TMA16: variants seen among roughly 807,000 people sequenced by gnomAD.
TMA16 encodes translation machinery-associated protein 16.
A neutral mutation model predicts 27.1 loss-of-function variants in TMA16; 26 were observed. That is an observed-to-expected ratio of 0.96 (90% CI 0.70 to 1.33). TMA16 has a LOEUF of 1.33. Ranked by LOEUF, TMA16 falls within the 40% of genes most tolerant of loss-of-function variation. The probability of loss-of-function intolerance (pLI) is 0.00; values close to 1 mark genes in which losing one functional copy is unlikely to be tolerated. For missense variants in TMA16, 233 were observed against 241.4 expected, an observed-to-expected ratio of 0.97 and a Z score of 0.23; for synonymous variants, 71 against 81.9, an observed-to-expected ratio of 0.87 and a Z score of 0.72.
At chr4:163,504,503 G>A (rs1204568805) in intron 1 of TMA16, among the ~76,000 whole-genome samples, 1 of 152,022 alleles carries the variant, frequency 6.6e-6, no homozygotes, top group Admixed American at 6.6e-5. Context: ...TCTTTTTGTT[G>A]TTGTTTTGTT....
intron 1 of TMA16, 49 bp from the exon 2 acceptor site, chr4:163,506,984 G>A: frequency 7.1e-7 from 1 of 1,407,364 alleles, no homozygotes; most frequent in Non-Finnish European, 9.6e-7. Context: ...TGGGACTGAA[G>A]GCACTTACAT....
chr4:163,497,963 G>A (rs917003253), intron 1 of TMA16, among the ~76,000 whole-genome samples: 3 of 152,134 alleles, frequency 2.0e-5, no homozygotes, highest in Non-Finnish European at 4.4e-5. Flanking sequence ...TTATATGTAT[G>A]TACCAGCATA....
chr4:163,496,266 T>G (rs1737551533), intron 1 of TMA16, among the ~76,000 whole-genome samples: 1 of 152,328 alleles, frequency 6.6e-6, no homozygotes, highest in African/African-American at 2.4e-5. Context: ...TTACTTAACC[T>G]CCCATCTGTT....
intron 5 of TMA16, among the ~76,000 whole-genome samples, chr4:163,516,818 A>G (rs61701418): frequency 0.11 from 16,810 of 152,018 alleles, 1,004 homozygotes; most frequent in African/African-American, 0.13. Context: ...TAATTCTTGC[A>G]TTCCTGAGAT....
Position 163,495,101 on chromosome 4 carries a change from C to A in TMA16, c.3+297C>A, listed in dbSNP as rs114303882. On this transcript the variant is annotated intron_variant, in intron 1 of 6. Coordinates refer to ENST00000358572, the MANE Select transcript of TMA16 (RefSeq NM_018352.3). ...CTACTTCCTGGGGGAAACCCGGCAC[C>A]TTTCCATTGTAACGCATCGAGGAGT... is the stretch of plus-strand genomic sequence containing the variant. Among the ~76,000 whole-genome samples, 777 of 152,286 alleles carry A rather than the reference C, an allele frequency of 5.1e-3. 2 individuals carry two copies. The highest frequency in any genetic ancestry group is 0.011 in the South Asian group (51 of 4,824).
At chr4:163,512,676 C>G (rs1369298796) in intron 2 of TMA16, 146 bp from the exon 3 acceptor site, 3 of 545,578 alleles carry the variant, frequency 5.5e-6, no homozygotes, top group Admixed American at 6.5e-5. Flanking sequence ...TTTAATGTTT[C>G]TGTTAACAAA....
At chr4:163,509,206 A>G (rs904943076) in intron 2 of TMA16, among the ~76,000 whole-genome samples, 10 of 152,150 alleles carry the variant, frequency 6.6e-5, no homozygotes, top group African/African-American at 2.4e-4. Flanking sequence ...TTAACTTTAA[A>G]TGGGAATGTG....
At chr4:163,495,875 T>A (rs1208475411) in intron 1 of TMA16, among the ~76,000 whole-genome samples, 2 of 152,252 alleles carry the variant, frequency 1.3e-5, no homozygotes, top group Admixed American at 1.3e-4. Flanking sequence ...ATTCAGTGTT[T>A]GCTTGTCACT....
rs1019014328 is a variant in TMA16, at chr4:163,494,729, T to C, written c.-73T>C. ...ATTCGGCCCGGGTGCTCTTGTGAGCTGCTGCTCCTGCGGTTGGTGAGATTA... is the reference window on the plus strand; with the variant it reads ...ATTCGGCCCGGGTGCTCTTGTGAGCCGCTGCTCCTGCGGTTGGTGAGATTA... On this transcript the variant is annotated 5_prime_UTR_variant, in exon 1 of 7. Coordinates refer to ENST00000358572, the MANE Select transcript of TMA16 (RefSeq NM_018352.3). 6.2e-6 allele frequency: 10 copies of C among 1,609,434 alleles called. No homozygotes were observed. The African/African-American group carries it at 1.1e-4, about 17-fold the overall frequency.
intron 3 of TMA16, among the ~76,000 whole-genome samples, chr4:163,513,595 TGGACA>T (rs1737829218): frequency 6.6e-6 from 1 of 152,168 alleles, no homozygotes. Context: ...TTTGGGGCCC[TGGACA>T]GGTCATTTAA....
At chr4:163,515,133 G>T (rs1737855143) in intron 4 of TMA16, among the ~76,000 whole-genome samples, 180 bp from the exon 5 acceptor site, 1 of 152,126 alleles carries the variant, frequency 6.6e-6, no homozygotes, top group African/African-American at 2.4e-5. Context: ...GGTCACTGAA[G>T]TTAAAGAAAT....
Position 163,520,019 on chromosome 4 carries a change from C to A in TMA16, c.*505C>A. The A allele has an allele frequency of 1.6e-6, 1 of 608,352 alleles. No homozygotes were observed. The highest frequency in any genetic ancestry group is 3.0e-5 in the East Asian group (1 of 32,982). The allele number at this position is 608,352 out of a possible 1,614,324, so 37.7% of individuals were successfully genotyped here. A position where few individuals can be genotyped will look rare whatever the true frequency, so the allele number is the denominator to read the frequency against. On this transcript the variant is annotated 3_prime_UTR_variant, in exon 7 of 7. Coordinates refer to ENST00000358572, the MANE Select transcript of TMA16 (RefSeq NM_018352.3). ...TGTGATAAGAAGTTTGTATACATTT[C>A]TGGATTATAGATTATTATTTATCTT...
At chr4:163,514,256 C>A in intron 4 of TMA16, 98 bp downstream of exon 4, 1 of 919,106 alleles carries the variant, frequency 1.1e-6, no homozygotes, top group Non-Finnish European at 1.6e-6. Context: ...TGCAGAAGAG[C>A]AAATGGGCTT....
intron 6 of TMA16, among the ~76,000 whole-genome samples, chr4:163,517,739 C>T (rs1459515117): frequency 6.6e-6 from 1 of 152,124 alleles, no homozygotes; most frequent in Non-Finnish European, 1.5e-5. Context: ...AGTATGTGAT[C>T]TCACTATTCC....
chr4:163,497,804 A>C (rs148705077), intron 1 of TMA16, among the ~76,000 whole-genome samples: 1 of 152,288 alleles, frequency 6.6e-6, no homozygotes, highest in African/African-American at 2.4e-5. Flanking sequence ...TTCTGGAGGA[A>C]TCAGGGCGTG....
intron 1 of TMA16, among the ~76,000 whole-genome samples, chr4:163,497,755 G>A (rs1158553308): frequency 6.6e-6 from 1 of 152,150 alleles, no homozygotes; most frequent in Non-Finnish European, 1.5e-5. Context: ...AATCACATCT[G>A]CAAGTCCTTT....
At chr4:163,506,924 G>A (rs1012912673) in intron 1 of TMA16, 109 bp from the exon 2 acceptor site, 1 of 811,804 alleles carries the variant, frequency 1.2e-6, no homozygotes, top group Non-Finnish European at 1.9e-6. Context: ...TTAGCTTACT[G>A]TATTTCTGTC....
At chr4:163,505,962 C>A (rs948351924) in intron 1 of TMA16, among the ~76,000 whole-genome samples, 1 of 152,142 alleles carries the variant, frequency 6.6e-6, no homozygotes, top group Non-Finnish European at 1.5e-5. Flanking sequence ...TGCCAGCTGT[C>A]CCCTAATGTA....
intron 1 of TMA16, among the ~76,000 whole-genome samples, chr4:163,498,572 C>G (rs1001578143): frequency 3.9e-5 from 6 of 152,198 alleles, no homozygotes; most frequent in Non-Finnish European, 8.8e-5. Context: ...CAGGCATGAG[C>G]CACTGTGCCC....
Sources: allele counts gnomAD v4.1 joint callset (sites outside exome capture counted in the v4.1 genomes callset), GRCh38; gene constraint gnomAD v4.1.1; transcripts MANE v1.5; gene names NCBI Gene and HGNC (gene_info 2026-07-23, HGNC 2026-07-21).